The following PUM1 variants were observed in gnomAD, a reference collection of about 807,000 sequenced individuals.
PUM1 encodes pumilio homolog 1.
A neutral mutation model predicts 131.8 loss-of-function variants in PUM1; 13 were observed. The observed-to-expected ratio is 0.10, with a 90% CI of 0.06 to 0.16. The LOEUF is 0.16. Ranked by LOEUF, PUM1 falls within the 10% of genes least tolerant of loss-of-function variation. PUM1 has a pLI of 1.00. For missense variants in PUM1, 961 were observed against 1,512.4 expected (o/e 0.64, Z 6.05); for synonymous variants, 509 against 556.5 (o/e 0.91, Z 1.20).
At chr1:30,957,248 T>C (rs1239209590) in intron 14 of PUM1, among the ~76,000 whole-genome samples, 1 of 152,226 alleles carries the variant, frequency 6.6e-6, no homozygotes, top group African/African-American at 2.4e-5. Context: ...AGTACTTCTT[T>C]CAACATTAAG....
chr1:31,039,074 G>A (rs1452346711), intron 2 of PUM1, among the ~76,000 whole-genome samples: 1 of 145,124 alleles, frequency 6.9e-6, no homozygotes, highest in Non-Finnish European at 1.5e-5. Flanking sequence ...ACAGCTCACA[G>A]CAGTCCCAAC....
At position 30,933,162 on chromosome 1, in the gene PUM1, G is replaced by A. The variant is rs1427533183; in HGVS notation, c.*49C>T. On this transcript the variant is annotated 3_prime_UTR_variant, in exon 22 of 22. Coordinates refer to ENST00000426105, the MANE Select transcript of PUM1 (RefSeq NM_001020658.2). ...TTCTGGTTGCTGGTTGGATTTGCCAGTGGGCCAGTGAGGTCAGCGGGAATG... is the reference window on the plus strand; with the variant it reads ...TTCTGGTTGCTGGTTGGATTTGCCAATGGGCCAGTGAGGTCAGCGGGAATG... 4 of 1,566,622 alleles carry A rather than the reference G, an allele frequency of 2.6e-6. No homozygotes were observed. Among genetic ancestry groups the A allele is most frequent in the Non-Finnish European group, 3.5e-6 (4 of 1,156,378 alleles).
chr1:30,933,269 T>C lies in PUM1; in HGVS notation c.3509A>G (p.Tyr1170Cys), dbSNP rs1359797227. 1 of 1,613,548 alleles carries C rather than the reference T, an allele frequency of 6.2e-7. No individual in the cohort carries two copies. The highest frequency in any genetic ancestry group is 1.3e-5 in the African/African-American group (1 of 74,868). ...KHILAKLEKY[Y>C]MKNGVDLGPI... ...CCCTAAGTCAACACCGTTCTTCATG[T>C]AGTACTTCTCCAGCTTGGCCAGAAT... The change falls in exon 22 of 22, where the codon TAC (tyrosine) becomes TGC (cysteine). Residue 1170 changes from tyrosine (Y) to cysteine (C), a missense_variant. Transcript: ENST00000426105.
rs141443026 is a variant in PUM1, at chr1:31,038,574, C to A, written c.364-9710G>T. Among the ~76,000 whole-genome samples the A allele has an allele frequency of 8.1e-3, 1,233 of 152,240 alleles. 21 individuals carry two copies. Among genetic ancestry groups the A allele is most frequent in the African/African-American group, 0.028 (1,183 of 41,544 alleles). ...TCAAAAACATGACAGGCATTACATA[C>A]AAATATTTGTAATGTGAGAAACTGC... On this transcript the variant is annotated intron_variant, in intron 2 of 21. Transcript: ENST00000426105.
rs780630164 is a variant in PUM1 at position 30,992,429 on chromosome 1, T to C, written c.1119A>G (p.Ala373=). The change falls in exon 7 of 22, where the codon GCA becomes GCG. Residue 373 remains alanine (A), a synonymous_variant. Coordinates refer to ENST00000426105, the MANE Select transcript of PUM1 (RefSeq NM_001020658.2). ...TGTAGTCAAAAAGTCCCACAGTTGC[T>C]GCTGCTGAGTCCACAGGTACCTGCG... The part of the protein sequence containing the change: ...SGTQVPVDSA[A]ATVGLFDYNS... 6.2e-7 allele frequency: 1 copy of C among 1,614,174 alleles called. No individual in the cohort carries two copies. Among genetic ancestry groups the C allele is most frequent in the Admixed American group, 1.7e-5 (1 of 60,032 alleles).
rs763999971 is a variant in PUM1 at position 30,969,316 on chromosome 1, CAAAAA to C, written c.1507-829_1507-825del. ...AAAACTCCATTTCAAAACACACACACAAAAAAAAAAAAAAAAAAAAGAAAAAAAAA... is the reference window on the plus strand; with the variant it reads ...AAAACTCCATTTCAAAACACACACACAAAAAAAAAAAAAAAGAAAAAAAAA... On this transcript the variant is annotated intron_variant, in intron 10 of 21. Transcript: ENST00000426105. 1.9e-3 allele frequency among the ~76,000 whole-genome samples: 96 copies of C among 51,202 alleles called. 1 individual carries two copies. The highest frequency in any genetic ancestry group is 6.7e-3 in the African/African-American group (90 of 13,518). 33.6% of individuals were successfully genotyped at this position (51,202 alleles called of 152,430 possible).
intron 3 of PUM1, among the ~76,000 whole-genome samples, chr1:31,014,899 A>G (rs1353907975): frequency 6.6e-6 from 1 of 152,144 alleles, no homozygotes; most frequent in African/African-American, 2.4e-5. Flanking sequence ...ATTGGTAGGC[A>G]GAAGGATCAC....
chr1:31,036,521 G>A (rs1205442516), intron 2 of PUM1, among the ~76,000 whole-genome samples: 1 of 152,160 alleles, frequency 6.6e-6, no homozygotes. Context: ...TTCAAGATCA[G>A]CCTGGGCAGC....
At position 31,059,296 on chromosome 1, in the gene PUM1, C is replaced by T; in HGVS notation, c.271G>A (p.Glu91Lys). ...CCACTTCCTCCTCCCCCAAGCTGCT[C>T]ACCATGCTGCCTCTGAAAGAAGTAG... ...VDYFFQRQHG[E>K]QLGGGGSGGG... The change falls in exon 2 of 22, where the codon GAG becomes AAG. Residue 91 changes from glutamate to lysine, a missense_variant. This residue lies in a region of PUM1 where 654 missense variants were observed against 923.9 expected (regional missense o/e 0.71). Coordinates refer to ENST00000426105, the MANE Select transcript of PUM1 (RefSeq NM_001020658.2). 6.2e-7 allele frequency: 1 copy of T among 1,614,188 alleles called. No individual in the cohort carries two copies. Among genetic ancestry groups the T allele is most frequent in the Non-Finnish European group, 8.5e-7 (1 of 1,180,040 alleles).
At position 31,005,556 on chromosome 1, in the gene PUM1, G is replaced by T. The variant is rs892248203; in HGVS notation, c.720+297C>A. Among the ~76,000 whole-genome samples the T allele has an allele frequency of 4.6e-5, 7 of 151,770 alleles. No homozygotes were observed. In the East Asian group the frequency reaches 1.4e-3, roughly 29 times the overall value. On this transcript the variant is annotated intron_variant, in intron 5 of 21. Transcript: ENST00000426105. ...TTTGCTTTTATTTTAAAGTAAAAATGGTGTTTTCTGATAGACCAATGAACT... is the reference window on the plus strand; with the variant it reads ...TTTGCTTTTATTTTAAAGTAAAAATTGTGTTTTCTGATAGACCAATGAACT...
At chr1:30,941,335 G>A in intron 19 of PUM1, 63 bp from the exon 20 acceptor site, 4 of 1,524,224 alleles carry the variant, frequency 2.6e-6, no homozygotes, top group Non-Finnish European at 3.6e-6. Context: ...GGTTACTTAA[G>A]TCCTTATATC....
intron 1 of PUM1, among the ~76,000 whole-genome samples, chr1:31,060,036 CG>C (rs200228517): frequency 0.28 from 42,486 of 150,700 alleles, 6,466 homozygotes; most frequent in Non-Finnish European, 0.34. Flanking sequence ...TTAGTAAAGA[CG>C]GGGTTTCACC....
At chr1:31,054,097 A>C (rs865897632) in intron 2 of PUM1, among the ~76,000 whole-genome samples, 13 of 79,518 alleles carry the variant, frequency 1.6e-4, no homozygotes, top group African/African-American at 1.1e-3. Flanking sequence ...TTATTTCAAA[A>C]AAAAAAAAAA....
In PUM1 at chr1:30,992,603, G is replaced by A; in HGVS notation, c.945C>T (p.Asn315=). 1 of 1,614,202 alleles carries A rather than the reference G, an allele frequency of 6.2e-7. No individual in the cohort carries two copies. ...GGGCTAAGCCCTCAGAACCATTCTG[G>A]TTTGGACCCAGAAGATCCACTTCAT... ...SANEVDLLGP[N]QNGSEGLAQL... is the part of the protein sequence containing the mutation. Residue 315 remains asparagine (N), a synonymous_variant, in exon 7 of 22, where the codon AAC becomes AAT. Transcript: ENST00000426105.
intron 7 of PUM1, among the ~76,000 whole-genome samples, chr1:30,990,433 T>C (rs1570220141): frequency 1.3e-5 from 2 of 152,140 alleles, no homozygotes; most frequent in Non-Finnish European, 1.5e-5. Flanking sequence ...GTGACAGTAC[T>C]GAACCTTGAC....
At chr1:30,997,832 G>C (rs903492967) in intron 5 of PUM1, among the ~76,000 whole-genome samples, 1 of 152,062 alleles carries the variant, frequency 6.6e-6, no homozygotes, top group African/African-American at 2.4e-5. Flanking sequence ...AGCCTCCCCA[G>C]TAGCAAAGAT....
chr1:31,007,938 C>G (rs1642453022), intron 3 of PUM1, among the ~76,000 whole-genome samples: 1 of 152,222 alleles, frequency 6.6e-6, no homozygotes, highest in Non-Finnish European at 1.5e-5. Context: ...AGAACTCTAT[C>G]ATTCTTGGTT....
At chr1:30,999,123 C>G (rs1181885538) in intron 5 of PUM1, among the ~76,000 whole-genome samples, 2 of 152,132 alleles carry the variant, frequency 1.3e-5, no homozygotes, top group African/African-American at 2.4e-5. Context: ...ACCTTAGCCT[C>G]CCAAGGAGCT....
intron 5 of PUM1, among the ~76,000 whole-genome samples, chr1:31,001,965 ATTCTGCGT>A (rs1261178697): frequency 1.3e-5 from 2 of 152,192 alleles, no homozygotes; most frequent in Non-Finnish European, 2.9e-5. Flanking sequence ...ATGATCTGAG[ATTCTGCGT>A]TTCTGATAAG....
Sources: gnomAD v4.1 joint callset for allele counts (sites outside exome capture counted in the v4.1 genomes callset) on GRCh38, gnomAD v4.1.1 for gene constraint, gnomAD v4.1.1 regional missense constraint, MANE v1.5 for transcripts, NCBI Gene and HGNC (gene_info 2026-07-23, HGNC 2026-07-21) for gene names.